DCLK2: variants seen among roughly 807,000 people sequenced by gnomAD.
The protein encoded by DCLK2 is doublecortin like kinase 2.
Under a neutral mutation model 78.4 loss-of-function variants are expected in DCLK2, and 31 were observed. The observed-to-expected ratio is 0.40, with a 90% confidence interval of 0.30 to 0.53. The LOEUF is 0.53. Among genes scored for constraint, DCLK2 ranks in the 20% least tolerant of loss-of-function variants. The probability of loss-of-function intolerance (pLI) is 0.61; values close to 1 mark genes in which losing one functional copy is unlikely to be tolerated. For missense variants in DCLK2, 872 were observed against 973.7 expected (o/e 0.90, Z 1.39); for synonymous variants, 407 against 374.9 (o/e 1.09, Z -0.99).
At chr4:150,234,752 TAAA>T (rs77788835) in intron 10 of DCLK2, among the ~76,000 whole-genome samples, 29 of 141,024 alleles carry the variant, frequency 2.1e-4, no homozygotes, top group African/African-American at 3.6e-4. Context: ...TGCTCTGTGT[TAAA>T]AAAAAAAAAA....
At chr4:150,111,792 T>G (rs898837233) in intron 2 of DCLK2, among the ~76,000 whole-genome samples, 4 of 152,166 alleles carry the variant, frequency 2.6e-5, no homozygotes, top group African/African-American at 9.7e-5. Context: ...GTATTTTAAT[T>G]TATCTCTAGA....
At chr4:150,190,240 TAGATAGATAGA>T (rs1330617678) in intron 2 of DCLK2, among the ~76,000 whole-genome samples, 2 of 35,686 alleles carry the variant, frequency 5.6e-5, no homozygotes, top group East Asian at 2.0e-3. Context: ...GATAGTTAGA[TAGATAGATAGA>T]TAGATAGATA....
At chr4:150,091,237 G>C (rs974748424) in intron 1 of DCLK2, among the ~76,000 whole-genome samples, 1 of 152,150 alleles carries the variant, frequency 6.6e-6, no homozygotes, top group African/African-American at 2.4e-5. Flanking sequence ...GAAGGGTATC[G>C]AATCATCTTG....
chr4:150,129,958 T>C (rs1733183521), intron 2 of DCLK2, among the ~76,000 whole-genome samples: 1 of 152,150 alleles, frequency 6.6e-6, no homozygotes, highest in Admixed American at 6.5e-5. Context: ...TAGGCGAATT[T>C]GGTGACATTA....
At chr4:150,083,583 C>G (rs1203962904) in intron 1 of DCLK2, among the ~76,000 whole-genome samples, 1 of 152,052 alleles carries the variant, frequency 6.6e-6, no homozygotes, top group African/African-American at 2.4e-5. Flanking sequence ...TCCATAAGAA[C>G]CTAGATTATA....
intron 2 of DCLK2, among the ~76,000 whole-genome samples, chr4:150,127,712 A>G (rs1351871925): frequency 6.6e-6 from 1 of 151,722 alleles, no homozygotes; most frequent in Non-Finnish European, 1.5e-5. Flanking sequence ...GTGTCTACAG[A>G]CTCCTGATTT....
At chr4:150,204,774 C>G (rs565164439) in intron 5 of DCLK2, among the ~76,000 whole-genome samples, 5 of 152,038 alleles carry the variant, frequency 3.3e-5, no homozygotes, top group Admixed American at 2.0e-4. Flanking sequence ...AACCTGTAAT[C>G]CCAGCTACTC....
At chr4:150,247,967 G>C (rs908590187) in intron 13 of DCLK2, among the ~76,000 whole-genome samples, 1 of 152,212 alleles carries the variant, frequency 6.6e-6, no homozygotes, top group Admixed American at 6.5e-5. Flanking sequence ...CAAGAAATAT[G>C]TATTGGGCAC....
chr4:150,184,875 A>G (rs1737805185), intron 2 of DCLK2, among the ~76,000 whole-genome samples: 2 of 152,144 alleles, frequency 1.3e-5, no homozygotes, highest in African/African-American at 4.8e-5. Flanking sequence ...TGCTGGGATT[A>G]CAGGCGTGAG....
chr4:150,170,897 A>G (rs922152717), intron 2 of DCLK2, among the ~76,000 whole-genome samples: 1 of 152,230 alleles, frequency 6.6e-6, no homozygotes, highest in Admixed American at 6.5e-5. Context: ...GCTTTCTTGT[A>G]TAAAAGTGAT....
intron 2 of DCLK2, among the ~76,000 whole-genome samples, chr4:150,188,038 AT>A (rs900596060): frequency 1.2e-4 from 18 of 151,976 alleles, no homozygotes; most frequent in Non-Finnish European, 2.4e-4. Flanking sequence ...TGACCTCATG[AT>A]CCGCACCCCT....
At position 150,169,044 on chromosome 4, in the gene DCLK2, C is replaced by A. The variant is rs376396883; in HGVS notation, c.757-24094C>A. Among the ~76,000 whole-genome samples the A allele has an allele frequency of 3.3e-4, 50 of 151,750 alleles. No individual in the cohort carries two copies. In the South Asian group the frequency reaches 0.01, roughly 31 times the overall value. Reference sequence around the variant, plus strand: ...CTACCATTGGAAGCCAAAGTGCACCCCCTCCCCACCCCCCGTAATTCCTTG... The same window carrying A: ...CTACCATTGGAAGCCAAAGTGCACCACCTCCCCACCCCCCGTAATTCCTTG... On this transcript the variant is annotated intron_variant, in intron 2 of 15. Transcript: ENST00000296550.
chr4:150,096,650 AG>A (rs1203824372), intron 1 of DCLK2, among the ~76,000 whole-genome samples: 1 of 152,226 alleles, frequency 6.6e-6, no homozygotes, highest in Non-Finnish European at 1.5e-5. Flanking sequence ...GAAGAGGATT[AG>A]GACTGGTGTC....
chr4:150,160,151 G>A (rs982253921), intron 2 of DCLK2, among the ~76,000 whole-genome samples: 2 of 152,150 alleles, frequency 1.3e-5, no homozygotes, highest in South Asian at 2.1e-4. Flanking sequence ...AAGTAGCTGG[G>A]ACTACAGACA....
chr4:150,168,468 A>T (rs912983781), intron 2 of DCLK2, among the ~76,000 whole-genome samples: 2 of 152,030 alleles, frequency 1.3e-5, no homozygotes, highest in Admixed American at 6.6e-5. Context: ...TTTTTAATAA[A>T]CTTTCACTCC....
intron 3 of DCLK2, among the ~76,000 whole-genome samples, chr4:150,196,855 G>A (rs547243062): frequency 3.2e-4 from 49 of 152,280 alleles, no homozygotes; most frequent in South Asian, 1.0e-3. Flanking sequence ...GGAAAGAACA[G>A]TTGTTTAAAG....
At chr4:150,093,226 C>T (rs1437505231) in intron 1 of DCLK2, among the ~76,000 whole-genome samples, 1 of 152,156 alleles carries the variant, frequency 6.6e-6, no homozygotes, top group Non-Finnish European at 1.5e-5. Flanking sequence ...AAAGCTCTTA[C>T]ACTGGAAACT....
chr4:150,217,127 T>C (rs1157306958), intron 5 of DCLK2, among the ~76,000 whole-genome samples: 1 of 152,188 alleles, frequency 6.6e-6, no homozygotes, highest in Non-Finnish European at 1.5e-5. Context: ...ATATTTGATC[T>C]CTCTGGTACT....
chr4:150,096,728 A>G (rs1301862754), intron 1 of DCLK2, among the ~76,000 whole-genome samples: 2 of 152,224 alleles, frequency 1.3e-5, no homozygotes, highest in Non-Finnish European at 2.9e-5. Context: ...TGCATTTGGC[A>G]GTTAGGTAAG....
Sources: gnomAD v4.1 joint callset for allele counts (sites outside exome capture counted in the v4.1 genomes callset) on GRCh38, gnomAD v4.1.1 for gene constraint, MANE v1.5 for transcripts, NCBI Gene and HGNC (gene_info 2026-07-23, HGNC 2026-07-21) for gene names.